Variants in ADSS1 observed in about 807,000 individuals in gnomAD.
The protein encoded by ADSS1 is adenylosuccinate synthase 1.
ADSS1 carries 57 observed loss-of-function variants against 59.1 expected under a neutral mutation model. That is an observed-to-expected ratio of 0.97 (90% CI 0.78 to 1.20). ADSS1 has a LOEUF of 1.20. ADSS1 is among the 50% of genes most tolerant of loss of function. The pLI, the probability that ADSS1 is intolerant of heterozygous loss-of-function variation, is 0.00. For missense variants in ADSS1, 603 were observed against 610.3 expected, an observed-to-expected ratio of 0.99 and a Z score of 0.13; for synonymous variants, 247 against 249.4, an observed-to-expected ratio of 0.99 and a Z score of 0.09.
At chr14:104,734,522 G>A (rs1891046394) in intron 1 of ADSS1, among the ~76,000 whole-genome samples, 1 of 152,256 alleles carries the variant, frequency 6.6e-6, no homozygotes, top group Admixed American at 6.5e-5. Flanking sequence ...CCCCCAGAGA[G>A]GGGAGCCTGT....
chr14:104,736,962 GC>G (rs1891159938), intron 2 of ADSS1, among the ~76,000 whole-genome samples: 1 of 145,856 alleles, frequency 6.9e-6, no homozygotes, highest in Non-Finnish European at 1.5e-5. Context: ...ACCCAGGCTG[GC>G]CTCCAACTCC....
At chr14:104,746,843 AG>A in intron 12 of ADSS1, 107 bp from the exon 13 acceptor site, 1 of 1,128,556 alleles carries the variant, frequency 8.9e-7, no homozygotes, top group Non-Finnish European at 1.3e-6. Context: ...GAGAGAAAAT[AG>A]CCCCTTTTAC....
intron 1 of ADSS1, among the ~76,000 whole-genome samples, chr14:104,730,794 T>C (rs1890896656): frequency 6.6e-6 from 1 of 151,792 alleles, no homozygotes; most frequent in Admixed American, 6.6e-5. Flanking sequence ...GTGAGTTGGG[T>C]GGACCCGCAG....
At position 104,744,881 on chromosome 14, in the gene ADSS1, G is replaced by C; in HGVS notation, c.1143G>C (p.Leu381=). Residue 381 remains leucine (L), a synonymous_variant, in exon 11 of 13, where the codon CTG becomes CTC. Transcript: ENST00000330877. ...TTAAAGTCGGTGTCTCATACAAGCT[G>C]AACGGGAAAAGGATTCCCTATTTCC... ...GEVKVGVSYK[L]NGKRIPYFPA... 4 of 1,614,150 alleles carry C rather than the reference G, an allele frequency of 2.5e-6. No homozygotes were observed. Among genetic ancestry groups the C allele is most frequent in the Non-Finnish European group, 3.4e-6 (4 of 1,180,024 alleles).
At chr14:104,731,932 A>G (rs1039115842) in intron 1 of ADSS1, among the ~76,000 whole-genome samples, 1 of 152,264 alleles carries the variant, frequency 6.6e-6, no homozygotes, top group South Asian at 2.1e-4. Flanking sequence ...CCAGGAAAGG[A>G]GAAGAGGGAG....
chr14:104,735,688 C>G (rs140919111), intron 2 of ADSS1, among the ~76,000 whole-genome samples: 1 of 152,196 alleles, frequency 6.6e-6, no homozygotes, highest in Non-Finnish European at 1.5e-5. Context: ...CGCCTGCCCC[C>G]TCCTGGGTCC....
At position 104,739,865 on chromosome 14, in the gene ADSS1, A is replaced by T. The variant is rs1200713160; in HGVS notation, c.476+49A>T. On this transcript the variant is annotated intron_variant, in intron 5 of 12. Coordinates refer to ENST00000330877, the MANE Select transcript of ADSS1 (RefSeq NM_152328.5). ...CCCTCGGGGAGTCTTCTGGGCCCGT[A>T]AGCCGGTAGACTGTGGGGCGTGTCT... The T allele has an allele frequency of 3.8e-6, 6 of 1,595,584 alleles. No homozygotes were observed. In the South Asian group the frequency reaches 4.4e-5, roughly 12 times the overall value.
rs747753034 is a variant in ADSS1 at position 104,742,046 on chromosome 14, C to A, written c.948+44C>A. 6 of 1,604,678 alleles carry A rather than the reference C, an allele frequency of 3.7e-6. No individual in the cohort carries two copies. In the African/African-American group the frequency reaches 5.3e-5, roughly 14 times the overall value. ...GGGACCCCGTGGGAGGACAGGGAGG[C>A]CAGGCAGGGGTGCCGGGGGTGGGGT... is the stretch of plus-strand genomic sequence containing the variant. On this transcript the variant is annotated intron_variant, in intron 9 of 12. Transcript: ENST00000330877.
chr14:104,730,038 G>A (rs140765546), intron 1 of ADSS1: 9 of 1,577,606 alleles, frequency 5.7e-6, no homozygotes, highest in East Asian at 2.4e-5. Context: ...TTACTGAGTG[G>A]CCACTCCGTG....
At position 104,740,732 on chromosome 14, in the gene ADSS1, C is replaced by CG. The variant is rs1566800559; in HGVS notation, c.584+28dup. 6.2e-7 allele frequency: 1 copy of CG among 1,613,400 alleles called. No homozygotes were observed. The highest frequency in any genetic ancestry group is 8.5e-7 in the Non-Finnish European group (1 of 1,179,498). On this transcript the variant is annotated intron_variant, in intron 6 of 12. Coordinates refer to ENST00000330877, the MANE Select transcript of ADSS1 (RefSeq NM_152328.5). This position sits in a 1 kb window ranked among gnomAD's most constrained non-coding sequence, Gnocchi z 4.8. ...AGGTACCTGAGCCGTCTGCAGTCCC[C>CG]GGGGAGGATGGGGAGAAGTTGCCGG... is the stretch of plus-strand genomic sequence containing the variant.
At chr14:104,734,770 G>A (rs1040507313) in intron 1 of ADSS1, among the ~76,000 whole-genome samples, 1 of 152,170 alleles carries the variant, frequency 6.6e-6, no homozygotes, top group African/African-American at 2.4e-5. Flanking sequence ...CCACCTGGAG[G>A]TGTTGGCACC....
In ADSS1 at chr14:104,741,911, TC is replaced by T. The variant is rs1566801565; in HGVS notation, c.863del (p.Pro288ArgfsTer4). On this transcript the variant is annotated frameshift_variant, in exon 9 of 13. Coordinates refer to ENST00000330877, the MANE Select transcript of ADSS1 (RefSeq NM_152328.5). LOFTEE classifies it high-confidence loss of function. ...TVGGVCTGLG[I>X]PPQNIGDVYG... The stretch of plus-strand genomic sequence containing the variant: ...GGCGGTGTGTGCACGGGCCTGGGCA[TC>T]CCCCCGCAGAACATAGGTGACGTGT... 1 of 1,613,366 alleles carries T rather than the reference TC, an allele frequency of 6.2e-7. No homozygotes were observed. Among genetic ancestry groups the T allele is most frequent in the Non-Finnish European group, 8.5e-7 (1 of 1,179,980 alleles).
At chr14:104,725,743 T>C (rs1239442137) in intron 1 of ADSS1, among the ~76,000 whole-genome samples, 1 of 152,182 alleles carries the variant, frequency 6.6e-6, no homozygotes, top group East Asian at 1.9e-4. Flanking sequence ...TCCAGCGCTC[T>C]ACTGCTCTTC....
rs1423324816 is a variant in ADSS1, at chr14:104,724,411, CA to C, written c.143del (p.Lys48ArgfsTer74). Reference sequence around the variant, plus strand: ...CGCAGTGGGGGGACGAGGGCAAAGGCAAGGTGGTGGACCTGCTGGCCACGGA... The same window carrying C: ...CGCAGTGGGGGGACGAGGGCAAAGGCAGGTGGTGGACCTGCTGGCCACGGA... ...GAQWGDEGKG[K>X]VVDLLATDAD... is the part of the protein sequence containing the mutation. On this transcript the variant is annotated frameshift_variant, in exon 1 of 13. Transcript: ENST00000330877. LOFTEE classifies it high-confidence loss of function. 1.6e-6 allele frequency: 2 copies of C among 1,265,372 alleles called. No individual in the cohort carries two copies. Among genetic ancestry groups the C allele is most frequent in the Non-Finnish European group, 2.0e-6 (2 of 1,000,048 alleles). The allele number at this position is 1,265,372 out of a possible 1,614,324, so 78.4% of individuals were successfully genotyped here. A position where few individuals can be genotyped will look rare whatever the true frequency, so the allele number is the denominator to read the frequency against.
intron 4 of ADSS1, 169 bp downstream of exon 4, chr14:104,739,547 C>G (rs1203912397): frequency 3.1e-6 from 3 of 956,560 alleles, no homozygotes; most frequent in Non-Finnish European, 4.7e-6. Context: ...AAGTTGGGAG[C>G]TGGGTCAGGG....
chr14:104,740,955 G>A lies in ADSS1; in HGVS notation c.666+35G>A, dbSNP rs887975053. The A allele has an allele frequency of 1.9e-6, 3 of 1,613,288 alleles. No homozygotes were observed. In the African/African-American group the frequency reaches 4.0e-5, roughly 22 times the overall value. On this transcript the variant is annotated intron_variant, in intron 7 of 12. Transcript: ENST00000330877. The surrounding 1 kb of genome is among the most constrained non-coding windows in gnomAD (Gnocchi z 4.8). Reference sequence around the variant, plus strand: ...GGGCCGCAGTGTGGGGGCTGCGGAAGTGCTCCTCCAGGGAGGCTGGATGTC... The same window carrying A: ...GGGCCGCAGTGTGGGGGCTGCGGAAATGCTCCTCCAGGGAGGCTGGATGTC...
intron 11 of ADSS1, chr14:104,745,566 T>G (rs2140831381): frequency 6.5e-6 from 1 of 153,194 alleles, no homozygotes; most frequent in African/African-American, 2.4e-5. Context: ...CAGCAGATCT[T>G]TGTAGGCCAC....
In ADSS1 at chr14:104,740,926, G is replaced by GTCGGGGCC. The variant is rs1891323401; in HGVS notation, c.666+7_666+14dup. 11 of 1,613,976 alleles carry GTCGGGGCC rather than the reference G, an allele frequency of 6.8e-6. No individual in the cohort carries two copies. Among genetic ancestry groups the GTCGGGGCC allele is most frequent in the Non-Finnish European group, 9.3e-6 (11 of 1,180,012 alleles). ...GCCAACTCAAAAGGCTCAAGGTGAA[G>GTCGGGGCC]TCGGGGCCGCAGTGTGGGGGCTGCG... is the stretch of plus-strand genomic sequence containing the variant. On this transcript the variant is annotated splice_region_variant and intron_variant, in intron 7 of 12. Coordinates refer to ENST00000330877, the MANE Select transcript of ADSS1 (RefSeq NM_152328.5). The surrounding 1 kb of genome is among the most constrained non-coding windows in gnomAD (Gnocchi z 4.8).
rs761218353 is a variant in ADSS1, at chr14:104,739,400, A to G, written c.409+22A>G. ...CTTGGTACGTTTCCCACTGGAGTAC[A>G]GGGAACAGCCCCTCCTGCCCCCACC... On this transcript the variant is annotated intron_variant, in intron 4 of 12. Coordinates refer to ENST00000330877, the MANE Select transcript of ADSS1 (RefSeq NM_152328.5). 10 of 1,594,868 alleles carry G rather than the reference A, an allele frequency of 6.3e-6. No homozygotes were observed. In the South Asian group the frequency reaches 1.0e-4, roughly 16 times the overall value.
Sources: gnomAD v4.1 joint callset for allele counts (sites outside exome capture counted in the v4.1 genomes callset) on GRCh38, gnomAD v4.1.1 for gene constraint, Gnocchi (gnomAD v3.1) non-coding constraint, MANE v1.5 for transcripts, NCBI Gene and HGNC (gene_info 2026-07-23, HGNC 2026-07-21) for gene names.